The following METTL24 variants were observed in gnomAD, a reference collection of about 807,000 sequenced individuals.
METTL24 encodes the protein methyltransferase like 24, also known as probable methyltransferase-like protein 24.
A neutral mutation model predicts 32.7 loss-of-function variants in METTL24; 29 were observed. That is an observed-to-expected ratio of 0.89 (90% confidence interval 0.66 to 1.21). The LOEUF is 1.21. Among genes scored for constraint, METTL24 ranks in the 50% most tolerant of loss-of-function variants. METTL24 has a pLI of 0.00. For missense variants in METTL24, 439 were observed against 468.1 expected, an observed-to-expected ratio of 0.94 and a Z score of 0.57; for synonymous variants, 163 against 179.5, an observed-to-expected ratio of 0.91 and a Z score of 0.73.
Position 110,247,495 on chromosome 6 carries a change from GTAT to G in METTL24, c.787-1238_787-1236del, listed in dbSNP as rs1368607335. On this transcript the variant is annotated intron_variant, in intron 4 of 4. Coordinates refer to ENST00000338882, the MANE Select transcript of METTL24 (RefSeq NM_001123364.3). Reference sequence around the variant, plus strand: ...GAGCGAATATGGGTCAGTGAGTAAAGTATTATTATCAATATTGCCACTTTACAT... The same window carrying G: ...GAGCGAATATGGGTCAGTGAGTAAAGTATTATCAATATTGCCACTTTACAT... Among the ~76,000 whole-genome samples, 4 of 152,326 alleles carry G rather than the reference GTAT, an allele frequency of 2.6e-5. No individual in the cohort carries two copies. The East Asian group carries it at 7.7e-4, about 29-fold the overall frequency.
At chr6:110,348,317 A>C (rs190149231) in intron 1 of METTL24, among the ~76,000 whole-genome samples, 4 of 152,380 alleles carry the variant, frequency 2.6e-5, no homozygotes, top group East Asian at 3.9e-4. Flanking sequence ...GCTGACTGCA[A>C]GTATGAAAAT....
intron 1 of METTL24, chr6:110,357,292 G>A (rs1367875375): frequency 2.6e-5 from 4 of 152,292 alleles, no homozygotes; most frequent in Admixed American, 6.5e-5. Context: ...TGAGGTAGGA[G>A]GCACAACACG....
At chr6:110,335,579 T>G (rs1261131654) in intron 1 of METTL24, among the ~76,000 whole-genome samples, 152 of 146,536 alleles carry the variant, frequency 1.0e-3, no homozygotes, top group Admixed American at 8.6e-3. Context: ...TTTTTTTTTT[T>G]TTTTTTTTTT....
chr6:110,350,856 C>G (rs2114780333), intron 1 of METTL24, among the ~76,000 whole-genome samples: 1 of 150,756 alleles, frequency 6.6e-6, no homozygotes, highest in Non-Finnish European at 1.5e-5. Context: ...TGCCTGTAAT[C>G]CCAGCACTTT....
At chr6:110,290,530 T>C (rs897689634) in intron 4 of METTL24, among the ~76,000 whole-genome samples, 2 of 152,216 alleles carry the variant, frequency 1.3e-5, no homozygotes, top group African/African-American at 2.4e-5. Context: ...TTTTCATTGA[T>C]CAGTGGTATT....
intron 1 of METTL24, among the ~76,000 whole-genome samples, chr6:110,353,811 A>G (rs1772657028): frequency 6.6e-6 from 1 of 152,146 alleles, no homozygotes; most frequent in Non-Finnish European, 1.5e-5. Flanking sequence ...AACCTATAAG[A>G]GATAAAACAT....
intron 3 of METTL24, among the ~76,000 whole-genome samples, chr6:110,305,108 T>C (rs1016764012): frequency 6.6e-6 from 1 of 152,184 alleles, no homozygotes; most frequent in African/African-American, 2.4e-5. Flanking sequence ...AAGGAAATAC[T>C]GAGGTATTTT....
In METTL24 at chr6:110,302,592, T is replaced by TAC. The variant is rs565343651; in HGVS notation, c.558-3444_558-3443dup. Among the ~76,000 whole-genome samples, 25 of 107,566 alleles carry TAC rather than the reference T, an allele frequency of 2.3e-4. 1 individual carries two copies. The highest frequency in any genetic ancestry group is 3.6e-4 in the Admixed American group (4 of 11,134). The allele number at this position is 107,566 out of a possible 152,430, so 70.6% of individuals were successfully genotyped here. A position where few individuals can be genotyped will look rare whatever the true frequency, so the allele number is the denominator to read the frequency against. ...ACATACACACACATATGTGTATATA[T>TAC]ACACATATACACACACATATGTGTA... On this transcript the variant is annotated intron_variant, in intron 3 of 4. Transcript: ENST00000338882.
At chr6:110,346,689 G>A (rs1772483110) in intron 1 of METTL24, among the ~76,000 whole-genome samples, 2 of 152,080 alleles carry the variant, frequency 1.3e-5, no homozygotes, top group South Asian at 4.1e-4. Context: ...ATATTTAGTA[G>A]AGACAGAGTT....
At chr6:110,292,192 A>C (rs559889653) in intron 4 of METTL24, among the ~76,000 whole-genome samples, 1 of 152,346 alleles carries the variant, frequency 6.6e-6, no homozygotes, top group Admixed American at 6.5e-5. Context: ...ACAATGCTGC[A>C]AAAAACAATA....
At chr6:110,284,396 A>G (rs1468663800) in intron 4 of METTL24, among the ~76,000 whole-genome samples, 1 of 152,198 alleles carries the variant, frequency 6.6e-6, no homozygotes, top group African/African-American at 2.4e-5. Context: ...TTAAAAATTA[A>G]AAAGAGACTT....
intron 4 of METTL24, among the ~76,000 whole-genome samples, chr6:110,257,786 T>G (rs1778412008): frequency 6.6e-6 from 1 of 152,222 alleles, no homozygotes; most frequent in Non-Finnish European, 1.5e-5. Context: ...GCAGAAAATA[T>G]CCACATGCTG....
At chr6:110,299,213 C>T (rs1466724783) in intron 3 of METTL24, 63 bp from the exon 4 acceptor site, 1 of 1,462,298 alleles carries the variant, frequency 6.8e-7, no homozygotes, top group African/African-American at 1.4e-5. Context: ...GTTGGACTAA[C>T]AAGATGACAG....
At chr6:110,319,859 C>A (rs773751991) in intron 2 of METTL24, among the ~76,000 whole-genome samples, 4 of 152,194 alleles carry the variant, frequency 2.6e-5, no homozygotes, top group Non-Finnish European at 5.9e-5. Context: ...AGGGGTGCCA[C>A]GCCCATTGCT....
At chr6:110,334,070 A>G (rs759650254) in intron 1 of METTL24, among the ~76,000 whole-genome samples, 6 of 147,424 alleles carry the variant, frequency 4.1e-5, no homozygotes, top group Non-Finnish European at 8.9e-5. Context: ...AGGAATGGAG[A>G]CGAGAACAGG....
intron 3 of METTL24, among the ~76,000 whole-genome samples, chr6:110,302,188 G>A (rs1771528286): frequency 6.6e-6 from 1 of 151,794 alleles, no homozygotes. Context: ...TGAGGCAGGA[G>A]AATGGCATGA....
intron 3 of METTL24, among the ~76,000 whole-genome samples, chr6:110,306,883 C>G (rs1771636318): frequency 6.6e-6 from 1 of 152,170 alleles, no homozygotes; most frequent in African/African-American, 2.4e-5. Flanking sequence ...CTGATGAGCA[C>G]AGGACACAGG....
At chr6:110,287,011 A>G (rs1015596277) in intron 4 of METTL24, among the ~76,000 whole-genome samples, 2 of 152,142 alleles carry the variant, frequency 1.3e-5, no homozygotes, top group African/African-American at 4.8e-5. Flanking sequence ...CCCTTTATAT[A>G]TATGTATCTA....
intron 4 of METTL24, among the ~76,000 whole-genome samples, chr6:110,288,401 A>AG (rs1205799794): frequency 6.6e-6 from 1 of 152,178 alleles, no homozygotes; most frequent in African/African-American, 2.4e-5. Context: ...ATTACATTTG[A>AG]GAAATAATGG....
Sources: allele counts gnomAD v4.1 joint callset (sites outside exome capture counted in the v4.1 genomes callset), GRCh38; gene constraint gnomAD v4.1.1; transcripts MANE v1.5; gene names NCBI Gene and HGNC (gene_info 2026-07-23, HGNC 2026-07-21).